CAMLG: variants seen among roughly 807,000 people sequenced by gnomAD.
CAMLG encodes the protein calcium modulating ligand, also known as guided entry of tail-anchored proteins factor CAMLG.
In CAMLG, 23 loss-of-function variants were observed where a neutral mutation model predicts 28.9. The observed-to-expected ratio is 0.80, with a 90% CI of 0.57 to 1.13. The LOEUF is 1.13. Among genes scored for constraint, CAMLG ranks in the 50% most tolerant of loss-of-function variants. The pLI, the probability that CAMLG is intolerant of heterozygous loss-of-function variation, is 0.00. For missense variants in CAMLG, 367 were observed against 371.9 expected (o/e 0.99, Z 0.11); for synonymous variants, 141 against 146.5 (o/e 0.96, Z 0.27).
intron 3 of CAMLG, among the ~76,000 whole-genome samples, chr5:134,749,793 A>G (rs545967205): frequency 1.2e-4 from 19 of 152,296 alleles, no homozygotes; most frequent in Admixed American, 1.0e-3. Flanking sequence ...GTCTCAGTTC[A>G]GTGCAGCCTC....
Position 134,741,079 on chromosome 5 carries a change from A to G in CAMLG, c.189A>G (p.Thr63=). The G allele has an allele frequency of 1.2e-6, 2 of 1,610,928 alleles. No individual in the cohort carries two copies. Among genetic ancestry groups the G allele is most frequent in the Non-Finnish European group, 1.7e-6 (2 of 1,177,208 alleles). Residue 63 remains threonine, a synonymous_variant, in exon 2 of 4, where the codon ACA becomes ACG. Transcript: ENST00000297156. Reference sequence around the variant, plus strand: ...TTTTCTCAGAAGAAGAAAGTCAAACAAAATCAAAGCAGCAGGACAGTGATA... The same window carrying G: ...TTTTCTCAGAAGAAGAAAGTCAAACGAAATCAAAGCAGCAGGACAGTGATA... ...PGSGAEEESQ[T]KSKQQDSDKL...
intron 3 of CAMLG, among the ~76,000 whole-genome samples, chr5:134,746,103 A>T (rs916591756): frequency 6.8e-6 from 1 of 146,980 alleles, no homozygotes; most frequent in African/African-American, 2.5e-5. Flanking sequence ...GCACCATTGC[A>T]CTTCAGCCTG....
In CAMLG at chr5:134,742,406, A is replaced by G. The variant is rs183700953; in HGVS notation, c.633+883A>G. Among the ~76,000 whole-genome samples, 33 of 152,332 alleles carry G rather than the reference A, an allele frequency of 2.2e-4. No homozygotes were observed. The East Asian group carries it at 6.2e-3, about 28-fold the overall frequency. ...ACCCTGGCAGTTTCAGTCCTTAACC[A>G]AAGGGTTAAGTGCTTTACATATATA... On this transcript the variant is annotated intron_variant, in intron 2 of 3. Transcript: ENST00000297156.
intron 2 of CAMLG, among the ~76,000 whole-genome samples, chr5:134,742,321 C>T (rs946186675): frequency 2.6e-5 from 4 of 152,176 alleles, no homozygotes; most frequent in Non-Finnish European, 5.9e-5. Flanking sequence ...GAAATGAAGA[C>T]TCAGAGAGGT....
intron 3 of CAMLG, among the ~76,000 whole-genome samples, chr5:134,744,900 G>A (rs1753027545): frequency 6.6e-6 from 1 of 152,094 alleles, no homozygotes. Context: ...GATATATACA[G>A]TTTTATGAGG....
intron 3 of CAMLG, among the ~76,000 whole-genome samples, chr5:134,750,123 C>T (rs1753097357): frequency 6.6e-6 from 1 of 152,216 alleles, no homozygotes; most frequent in Non-Finnish European, 1.5e-5. Context: ...CCATGTCAGT[C>T]ATTTAGCAGT....
intron 1 of CAMLG, among the ~76,000 whole-genome samples, chr5:134,740,695 C>G (rs898780004): frequency 5.9e-5 from 9 of 152,134 alleles, no homozygotes; most frequent in Non-Finnish European, 1.0e-4. Context: ...CCCCGGGTTT[C>G]AAGTGATTCT....
chr5:134,751,198 C>T lies in CAMLG; in HGVS notation c.*248C>T. 1 of 336,430 alleles carries T rather than the reference C, an allele frequency of 3.0e-6. No individual in the cohort carries two copies. The highest frequency in any genetic ancestry group is 5.4e-6 in the Non-Finnish European group (1 of 184,338). 20.8% of individuals were successfully genotyped at this position (336,430 alleles called of 1,614,324 possible). A position where few individuals can be genotyped will look rare whatever the true frequency, so the allele number is the denominator to read the frequency against. On this transcript the variant is annotated 3_prime_UTR_variant, in exon 4 of 4. Transcript: ENST00000297156. Reference sequence around the variant, plus strand: ...TGATTTTTCTTGTTAATCAGAATTCCTATTCTGTACCTTTCCTCTAACTTC... The same window carrying T: ...TGATTTTTCTTGTTAATCAGAATTCTTATTCTGTACCTTTCCTCTAACTTC...
chr5:134,745,396 A>C (rs1353949058), intron 3 of CAMLG, among the ~76,000 whole-genome samples: 1 of 144,894 alleles, frequency 6.9e-6, no homozygotes, highest in Non-Finnish European at 1.5e-5. Context: ...AGATTGCGCC[A>C]CTGTACTCCA....
intron 2 of CAMLG, among the ~76,000 whole-genome samples, chr5:134,742,302 A>C (rs1429906877): frequency 6.6e-6 from 1 of 152,176 alleles, no homozygotes; most frequent in Non-Finnish European, 1.5e-5. Context: ...TATTATGTGA[A>C]TCCATTGGGA....
chr5:134,746,069 T>G (rs1403436887), intron 3 of CAMLG, among the ~76,000 whole-genome samples: 1 of 136,170 alleles, frequency 7.3e-6, no homozygotes, highest in African/African-American at 2.8e-5. Context: ...ACCCAGGAGG[T>G]GGAGGTTGTG....
chr5:134,746,006 C>T (rs1255236531), intron 3 of CAMLG, among the ~76,000 whole-genome samples: 4 of 151,418 alleles, frequency 2.6e-5, no homozygotes, highest in East Asian at 2.0e-4. Flanking sequence ...GGCATGGTGG[C>T]GCATGCCTGT....
chr5:134,741,128 T>A lies in CAMLG; in HGVS notation c.238T>A (p.Ser80Thr), dbSNP rs943977254. The change falls in exon 2 of 4, where the codon TCC becomes ACC. Residue 80 changes from serine (S) to threonine (T), a missense_variant. By Grantham distance (58) the Ser-to-Thr change is moderately conservative. Transcript: ENST00000297156. Reference protein sequence around the residue: ...SDKLNSLSVPSVSKRVVLGDS... With the variant: ...SDKLNSLSVPTVSKRVVLGDS... Reference sequence around the variant, plus strand: ...TAAACTGAACTCCCTCAGCGTTCCTTCCGTTTCAAAGCGAGTAGTGCTGGG... The same window carrying A: ...TAAACTGAACTCCCTCAGCGTTCCTACCGTTTCAAAGCGAGTAGTGCTGGG... The A allele has an allele frequency of 1.9e-6, 3 of 1,614,094 alleles. No homozygotes were observed. The highest frequency in any genetic ancestry group is 2.5e-6 in the Non-Finnish European group (3 of 1,179,994).
rs1029858999 is a variant in CAMLG at position 134,738,894 on chromosome 5, C to G, written c.172+102C>G. 3.4e-5 allele frequency: 40 copies of G among 1,175,192 alleles called. 1 individual carries two copies. Among genetic ancestry groups the G allele is most frequent in the Admixed American group, 2.3e-5 (1 of 43,480 alleles). 72.8% of individuals were successfully genotyped at this position (1,175,192 alleles called of 1,614,324 possible). A position where few individuals can be genotyped will look rare whatever the true frequency, so the allele number is the denominator to read the frequency against. On this transcript the variant is annotated intron_variant, in intron 1 of 3. Transcript: ENST00000297156. ...CACTCCTCTGACCTTTTTGACCAAG[C>G]CTTGCTCTTTGATTTCCTCTCTGTC...
chr5:134,743,211 A>G (rs1476112353), intron 2 of CAMLG, among the ~76,000 whole-genome samples: 4 of 152,140 alleles, frequency 2.6e-5, no homozygotes, highest in South Asian at 2.1e-4. Flanking sequence ...CTGGATATCA[A>G]TTAATTCCCT....
chr5:134,749,887 T>G (rs1363495424), intron 3 of CAMLG, among the ~76,000 whole-genome samples: 1 of 152,210 alleles, frequency 6.6e-6, no homozygotes, highest in African/African-American at 2.4e-5. Flanking sequence ...GTATTTGTTG[T>G]AGAGACAGAG....
intron 3 of CAMLG, among the ~76,000 whole-genome samples, chr5:134,746,624 G>A (rs1262537540): frequency 9.2e-5 from 14 of 151,984 alleles, no homozygotes; most frequent in Admixed American, 7.2e-4. Context: ...CTACAGGTGT[G>A]AGTGACCACA....
Position 134,751,216 on chromosome 5 carries a change from C to G in CAMLG, c.*266C>G. ...AGAATTCCTATTCTGTACCTTTCCT[C>G]TAACTTCTCAGATTTGTAATTCTTC... On this transcript the variant is annotated 3_prime_UTR_variant, in exon 4 of 4. Transcript: ENST00000297156. 3.5e-6 allele frequency: 1 copy of G among 284,194 alleles called. No homozygotes were observed. Among genetic ancestry groups the G allele is most frequent in the Non-Finnish European group, 6.6e-6 (1 of 151,740 alleles). 17.6% of individuals were successfully genotyped at this position (284,194 alleles called of 1,614,324 possible).
At position 134,748,089 on chromosome 5, in the gene CAMLG, C is replaced by T. The variant is rs534968621; in HGVS notation, c.700-2670C>T. On this transcript the variant is annotated intron_variant, in intron 3 of 3. Coordinates refer to ENST00000297156, the MANE Select transcript of CAMLG (RefSeq NM_001745.4). ...ATGTTGGCCAAGACAGCCTTGATCT[C>T]CTGACCTGATTATCTGCCCACCTCG... Among the ~76,000 whole-genome samples, 4 of 150,818 alleles carry T rather than the reference C, an allele frequency of 2.7e-5. No homozygotes were observed. In the South Asian group the frequency reaches 8.8e-4, roughly 33 times the overall value.
Sources: allele counts gnomAD v4.1 joint callset (sites outside exome capture counted in the v4.1 genomes callset), GRCh38; gene constraint gnomAD v4.1.1; transcripts MANE v1.5; gene names NCBI Gene and HGNC (gene_info 2026-07-23, HGNC 2026-07-21).